Variants in DGKD observed in about 807,000 individuals in gnomAD.
DGKD encodes the protein DAG kinase delta.
A neutral mutation model predicts 154.4 loss-of-function variants in DGKD; 68 were observed. The ratio of observed to expected loss-of-function variants is 0.44; its 90% confidence interval spans 0.36 to 0.54. The LOEUF (loss-of-function observed/expected upper bound fraction) is 0.54, where lower values mean the gene tolerates loss of function less well. Among genes scored for constraint, DGKD ranks in the 20% least tolerant of loss-of-function variants. DGKD has a pLI of 0.00. For synonymous variants in DGKD, 693 were observed against 638.0 expected, an observed-to-expected ratio of 1.09 and a Z score of -1.30; for missense variants, 1,343 against 1,593.6, an observed-to-expected ratio of 0.84 and a Z score of 2.68.
chr2:233,436,303 T>C lies in DGKD; in HGVS notation c.694-13T>C, dbSNP rs1219448803. The C allele has an allele frequency of 4.3e-6, 7 of 1,614,008 alleles. No homozygotes were observed. In the South Asian group the frequency reaches 6.6e-5, roughly 15 times the overall value. On this transcript the variant is annotated splice_polypyrimidine_tract_variant and intron_variant, in intron 6 of 29. Transcript: ENST00000264057. ...TGGGAGCGTCCCTAGTGCGTGCCTC[T>C]GTTTGGTTGCAGATTGCAATGCCCC...
intron 10 of DGKD, among the ~76,000 whole-genome samples, chr2:233,444,787 C>T (rs1004772712): frequency 1.3e-5 from 2 of 151,532 alleles, no homozygotes; most frequent in African/African-American, 4.9e-5. Context: ...TCACCTCCAC[C>T]TGGTGGGCAG....
chr2:233,448,077 G>T lies in DGKD; in HGVS notation c.1420-10G>T. ...AGACCAACAGTCCTGGCCATTTGGG[G>T]TGATTGCAGGTACAGCAGATTCTCT... On this transcript the variant is annotated splice_polypyrimidine_tract_variant and intron_variant, in intron 12 of 29. Coordinates refer to ENST00000264057, the MANE Select transcript of DGKD (RefSeq NM_152879.3). 1.2e-6 allele frequency: 2 copies of T among 1,613,990 alleles called. No homozygotes were observed. The highest frequency in any genetic ancestry group is 8.5e-7 in the Non-Finnish European group (1 of 1,180,008).
intron 1 of DGKD, among the ~76,000 whole-genome samples, chr2:233,359,837 C>T (rs915315141): frequency 6.6e-6 from 1 of 152,132 alleles, no homozygotes. Context: ...ATAAAACAAT[C>T]ACACAGTTAA....
At chr2:233,466,562 C>T (rs1385162744) in intron 27 of DGKD, among the ~76,000 whole-genome samples, 3 of 152,046 alleles carry the variant, frequency 2.0e-5, no homozygotes, top group Non-Finnish European at 2.9e-5. Flanking sequence ...GAGAGGCTGC[C>T]GCCGCCGATG....
chr2:233,365,703 A>G (rs1701991930), intron 1 of DGKD, among the ~76,000 whole-genome samples: 1 of 152,264 alleles, frequency 6.6e-6, no homozygotes, highest in African/African-American at 2.4e-5. Context: ...GAAATTATAG[A>G]GTATGTTCTG....
In DGKD at chr2:233,459,625, G is replaced by C; in HGVS notation, c.2695-132G>C. On this transcript the variant is annotated intron_variant, in intron 22 of 29. Transcript: ENST00000264057. The surrounding 1 kb of genome is among the most constrained non-coding windows in gnomAD (Gnocchi z 5.7). ...TAGCTGCAGGCGGAGCGCCATCCCA[G>C]AGGCAGAGGTGGGGTGTCCTGCAAG... The C allele has an allele frequency of 1.6e-6, 2 of 1,241,798 alleles. No individual in the cohort carries two copies. Among genetic ancestry groups the C allele is most frequent in the Non-Finnish European group, 2.2e-6 (2 of 904,688 alleles). The allele number at this position is 1,241,798 out of a possible 1,614,324, so 76.9% of individuals were successfully genotyped here.
At chr2:233,468,726 C>T (rs182008245) in intron 29 of DGKD, among the ~76,000 whole-genome samples, 173 bp downstream of exon 29, 23 of 152,320 alleles carry the variant, frequency 1.5e-4, no homozygotes, top group African/African-American at 5.1e-4. Flanking sequence ...GATGGCTCCA[C>T]CCACCACAAC....
At chr2:233,465,136 A>C (rs1056868303) in intron 27 of DGKD, among the ~76,000 whole-genome samples, 7 of 152,236 alleles carry the variant, frequency 4.6e-5, no homozygotes, top group Non-Finnish European at 1.0e-4. Context: ...GATGAAACTC[A>C]GCAGCTTCTC....
intron 1 of DGKD, among the ~76,000 whole-genome samples, chr2:233,377,226 G>T (rs1021762635): frequency 6.6e-6 from 1 of 151,950 alleles, no homozygotes; most frequent in East Asian, 1.9e-4. Flanking sequence ...GTGATTACAG[G>T]TGTGTGCCAC....
intron 3 of DGKD, among the ~76,000 whole-genome samples, chr2:233,410,558 C>T (rs994210596): frequency 2.0e-5 from 3 of 152,150 alleles, no homozygotes; most frequent in African/African-American, 7.2e-5. Context: ...TTCTCCAGGG[C>T]AGTACACAAC....
At chr2:233,453,181 C>G (rs1294498495) in intron 18 of DGKD, among the ~76,000 whole-genome samples, 1 of 152,166 alleles carries the variant, frequency 6.6e-6, no homozygotes, top group Non-Finnish European at 1.5e-5. Context: ...TTCTTTTCAC[C>G]TGGGGAGACA....
At chr2:233,426,439 A>T (rs1022127253) in intron 3 of DGKD, among the ~76,000 whole-genome samples, 1 of 152,194 alleles carries the variant, frequency 6.6e-6, no homozygotes, top group African/African-American at 2.4e-5. Flanking sequence ...AGAACACTGC[A>T]GCCCCCGGAA....
At chr2:233,367,067 T>G (rs1228054606) in intron 1 of DGKD, among the ~76,000 whole-genome samples, 1 of 152,224 alleles carries the variant, frequency 6.6e-6, no homozygotes, top group Admixed American at 6.5e-5. Context: ...ACCTTCCTTT[T>G]GGGAACCAGG....
At chr2:233,467,620 G>T (rs1429737650) in intron 28 of DGKD, among the ~76,000 whole-genome samples, 1 of 152,212 alleles carries the variant, frequency 6.6e-6, no homozygotes, top group East Asian at 1.9e-4. Flanking sequence ...GGGAAGCCCA[G>T]GCCACCAGAG....
intron 1 of DGKD, among the ~76,000 whole-genome samples, chr2:233,368,684 AAC>A (rs1210467850): frequency 6.6e-6 from 1 of 151,940 alleles, no homozygotes; most frequent in Non-Finnish European, 1.5e-5. Flanking sequence ...CCCAACCCTA[AAC>A]CCCCACACCC....
chr2:233,460,331 G>T lies in DGKD; in HGVS notation c.2967G>T (p.Gly989=). Residue 989 remains glycine (G), a synonymous_variant, in exon 24 of 30, where the codon GGG becomes GGT. Coordinates refer to ENST00000264057, the MANE Select transcript of DGKD (RefSeq NM_152879.3). ...TQMDQFGQAA[G]VLIHSIREIA... ...TGGACCAGTTTGGGCAGGCAGCAGGGGTCCTCATTCACAGGTGGGCTCCTA... is the reference window on the plus strand; with the variant it reads ...TGGACCAGTTTGGGCAGGCAGCAGGTGTCCTCATTCACAGGTGGGCTCCTA... 1 of 1,613,938 alleles carries T rather than the reference G, an allele frequency of 6.2e-7. No individual in the cohort carries two copies. The highest frequency in any genetic ancestry group is 8.5e-7 in the Non-Finnish European group (1 of 1,179,976).
chr2:233,460,846 A>T (rs1340851387), intron 24 of DGKD, among the ~76,000 whole-genome samples: 1 of 151,926 alleles, frequency 6.6e-6, no homozygotes, highest in African/African-American at 2.4e-5. Context: ...GAGCCGAGAT[A>T]GCGCCACTGC....
In DGKD at chr2:233,438,249, A is replaced by G; in HGVS notation, c.955A>G (p.Thr319Ala). 1.2e-6 allele frequency: 2 copies of G among 1,614,144 alleles called. No individual in the cohort carries two copies. The highest frequency in any genetic ancestry group is 1.7e-6 in the Non-Finnish European group (2 of 1,180,038). Residue 319 changes from threonine to alanine, a missense_variant, in exon 9 of 30, where the codon ACA becomes GCA. Thr to Ala is a moderately conservative substitution (Grantham distance 58, BLOSUM62 0). Coordinates refer to ENST00000264057, the MANE Select transcript of DGKD (RefSeq NM_152879.3). This position sits in a 1 kb window ranked among gnomAD's most constrained non-coding sequence, Gnocchi z 4.1. ...FWKASCPPSCTSPLLVFVNSK... is the reference protein window; with the variant it reads ...FWKASCPPSCASPLLVFVNSK... ...GAAGGCCAGCTGTCCTCCTTCTTGC[A>G]CAAGCCCACTGTTGGTCTTCGTCAA...
chr2:233,447,553 G>C (rs2063124090), intron 12 of DGKD: 1 of 985,518 alleles, frequency 1.0e-6, no homozygotes, highest in Admixed American at 6.1e-5. Context: ...AAGAGTGTGT[G>C]GGGGAAGCCC....
Sources: allele counts gnomAD v4.1 joint callset (sites outside exome capture counted in the v4.1 genomes callset), GRCh38; gene constraint gnomAD v4.1.1; non-coding constraint Gnocchi (gnomAD v3.1); transcripts MANE v1.5; gene names NCBI Gene and HGNC (gene_info 2026-07-23, HGNC 2026-07-21).